LHFPL3: variants seen among roughly 807,000 people sequenced by gnomAD.
LHFPL3 encodes the protein LHFPL tetraspan subfamily member 3.
A neutral mutation model predicts 19.3 loss-of-function variants in LHFPL3; 5 were observed. The ratio of observed to expected loss-of-function variants is 0.26; its 90% CI spans 0.14 to 0.54. The LOEUF is 0.54. Ranked by LOEUF, LHFPL3 falls within the 20% of genes least tolerant of loss-of-function variation. LHFPL3 has a pLI of 0.94. For missense variants in LHFPL3, 249 were observed against 307.4 expected (o/e 0.81, Z 1.42); for synonymous variants, 133 against 126.2 (o/e 1.05, Z -0.36).
In LHFPL3 at chr7:104,468,607, G is replaced by A. The variant is rs918808960; in HGVS notation, c.445+139383G>A. Among the ~76,000 whole-genome samples the A allele has an allele frequency of 2.0e-5, 3 of 151,322 alleles. No homozygotes were observed. In the South Asian group the frequency reaches 6.2e-4, roughly 31 times the overall value. ...ATACAGCATATTTTGGCATGGCACA[G>A]TTTCCATGGAGAATGACAAATTTCC... On this transcript the variant is annotated intron_variant, in intron 1 of 2. Transcript: ENST00000424859.
intron 1 of LHFPL3, among the ~76,000 whole-genome samples, chr7:104,655,007 G>A (rs1584463313): frequency 6.6e-6 from 1 of 151,954 alleles, no homozygotes; most frequent in South Asian, 2.1e-4. Flanking sequence ...GCTTCCTACA[G>A]CTCCTGCCAT....
intron 1 of LHFPL3, among the ~76,000 whole-genome samples, chr7:104,346,831 A>G (rs1790076356): frequency 6.6e-6 from 1 of 151,074 alleles, no homozygotes; most frequent in African/African-American, 2.4e-5. Flanking sequence ...CACACTTTCT[A>G]ATGTTGAGGA....
intron 2 of LHFPL3, among the ~76,000 whole-genome samples, chr7:104,867,598 C>T (rs1345344733): frequency 6.6e-6 from 1 of 151,754 alleles, no homozygotes; most frequent in Non-Finnish European, 1.5e-5. Context: ...AGCTTACCAA[C>T]AAAAAAAAGT....
chr7:104,394,804 G>A (rs1423899641), intron 1 of LHFPL3, among the ~76,000 whole-genome samples: 1 of 151,788 alleles, frequency 6.6e-6, no homozygotes, highest in African/African-American at 2.4e-5. Context: ...TGGTTCAAGC[G>A]ATTCTCCTGC....
chr7:104,693,261 C>T (rs1409079935), intron 1 of LHFPL3, among the ~76,000 whole-genome samples: 2 of 152,158 alleles, frequency 1.3e-5, no homozygotes, highest in African/African-American at 4.8e-5. Context: ...AAGGGACTTG[C>T]CTGGTCCCAG....
chr7:104,357,911 T>G (rs191968656), intron 1 of LHFPL3, among the ~76,000 whole-genome samples: 42 of 152,340 alleles, frequency 2.8e-4, no homozygotes, highest in Non-Finnish European at 5.3e-4. Context: ...AATTAGTGTT[T>G]GATTGAAAAA....
intron 1 of LHFPL3, among the ~76,000 whole-genome samples, chr7:104,428,400 CT>C (rs1791888782): frequency 6.6e-6 from 1 of 151,688 alleles, no homozygotes; most frequent in Non-Finnish European, 1.5e-5. Flanking sequence ...ACAATGAAAT[CT>C]TCTTGATGAC....
chr7:104,543,728 A>T (rs1008698074), intron 1 of LHFPL3, among the ~76,000 whole-genome samples: 1 of 125,448 alleles, frequency 8.0e-6, no homozygotes, highest in Non-Finnish European at 1.6e-5. Context: ...GAGCACATGG[A>T]CACAGGAAGG....
intron 1 of LHFPL3, among the ~76,000 whole-genome samples, chr7:104,692,641 C>G (rs1239982402): frequency 6.6e-6 from 1 of 152,232 alleles, no homozygotes; most frequent in Non-Finnish European, 1.5e-5. Context: ...AAGCCCCAAG[C>G]CTTGGCAGCT....
At chr7:104,414,722 T>G (rs1316939024) in intron 1 of LHFPL3, among the ~76,000 whole-genome samples, 1 of 152,228 alleles carries the variant, frequency 6.6e-6, no homozygotes, top group Non-Finnish European at 1.5e-5. Context: ...AGCTAAGCGG[T>G]GATCCAAAAC....
At chr7:104,899,373 G>A (rs1339295534) in intron 2 of LHFPL3, among the ~76,000 whole-genome samples, 3 of 151,912 alleles carry the variant, frequency 2.0e-5, no homozygotes, top group Non-Finnish European at 4.4e-5. Flanking sequence ...ACTATATGCC[G>A]CCGAGAAAAT....
intron 2 of LHFPL3, among the ~76,000 whole-genome samples, chr7:104,837,904 C>T (rs552546151): frequency 3.9e-5 from 6 of 152,148 alleles, no homozygotes; most frequent in East Asian, 1.9e-4. Context: ...GATTCTTGAA[C>T]GAATAAATGT....
chr7:104,773,868 G>A (rs528055658), intron 2 of LHFPL3, among the ~76,000 whole-genome samples: 8 of 152,318 alleles, frequency 5.3e-5, no homozygotes, highest in South Asian at 2.1e-4. Context: ...CCAACCCTGC[G>A]GACACCGTGA....
chr7:104,604,294 T>G (rs12674311), intron 1 of LHFPL3, among the ~76,000 whole-genome samples: 147,697 of 152,272 alleles, frequency 0.97, 71,773 homozygotes, highest in East Asian at 1. Flanking sequence ...GCACCAAGAT[T>G]CAGAGAGCAG....
chr7:104,803,936 G>A (rs181764249), intron 2 of LHFPL3: 11 of 152,286 alleles, frequency 7.2e-5, no homozygotes, highest in Admixed American at 7.2e-4. Context: ...CTGTCATCAT[G>A]TTAGGAATAA....
intron 1 of LHFPL3, among the ~76,000 whole-genome samples, chr7:104,500,507 G>A (rs1034392696): frequency 2.0e-5 from 3 of 152,114 alleles, no homozygotes; most frequent in African/African-American, 7.2e-5. Context: ...TGAGAACTTT[G>A]TGTGTTTACA....
intron 1 of LHFPL3, among the ~76,000 whole-genome samples, chr7:104,618,718 T>A (rs752369564): frequency 1.3e-5 from 2 of 152,016 alleles, no homozygotes; most frequent in Admixed American, 6.6e-5. Flanking sequence ...ACACTAGGAT[T>A]CTGAAAAGGA....
chr7:104,846,950 G>C (rs1344522168), intron 2 of LHFPL3, among the ~76,000 whole-genome samples: 2 of 152,184 alleles, frequency 1.3e-5, no homozygotes, highest in African/African-American at 4.8e-5. Flanking sequence ...TCCACTGTAG[G>C]ATTATGAAAA....
At chr7:104,564,551 A>C (rs1368395912) in intron 1 of LHFPL3, among the ~76,000 whole-genome samples, 3 of 152,262 alleles carry the variant, frequency 2.0e-5, no homozygotes, top group African/African-American at 7.2e-5. Context: ...GATCATCTAA[A>C]TAAAAGTTAA....
Sources: allele counts gnomAD v4.1 joint callset (sites outside exome capture counted in the v4.1 genomes callset), GRCh38; gene constraint gnomAD v4.1.1; transcripts MANE v1.5; gene names NCBI Gene and HGNC (gene_info 2026-07-23, HGNC 2026-07-21).